The following NYAP2 variants were observed in gnomAD, a reference collection of about 807,000 sequenced individuals.
NYAP2 encodes neuronal tyrosine-phosphorylated phosphoinositide-3-kinase adapter 2.
Under a neutral mutation model 50.4 loss-of-function variants are expected in NYAP2, and 23 were observed. That is an observed-to-expected ratio of 0.46 (90% CI 0.33 to 0.65). NYAP2 has a LOEUF of 0.65. NYAP2 is among the 30% of genes least tolerant of loss of function. The pLI, the probability that NYAP2 is intolerant of heterozygous loss-of-function variation, is 0.02. For missense variants in NYAP2, 885 were observed against 861.0 expected, an observed-to-expected ratio of 1.03 and a Z score of -0.35; for synonymous variants, 394 against 365.2, an observed-to-expected ratio of 1.08 and a Z score of -0.90.
At chr2:225,601,220 A>G (rs997405089) in intron 5 of NYAP2, among the ~76,000 whole-genome samples, 1 of 151,346 alleles carries the variant, frequency 6.6e-6, no homozygotes, top group African/African-American at 2.4e-5. Flanking sequence ...TCCTGGGTTC[A>G]AGTGATTATC....
intron 5 of NYAP2, among the ~76,000 whole-genome samples, chr2:225,591,005 C>T (rs1692492336): frequency 6.6e-6 from 1 of 152,192 alleles, no homozygotes; most frequent in Non-Finnish European, 1.5e-5. Flanking sequence ...GCTGGTGCTG[C>T]TGGTCCAGAA....
At chr2:225,510,993 C>T (rs1052997095) in intron 3 of NYAP2, among the ~76,000 whole-genome samples, 1 of 152,132 alleles carries the variant, frequency 6.6e-6, no homozygotes, top group East Asian at 1.9e-4. Context: ...TGCCCATGTG[C>T]ATTAACACAT....
At chr2:225,657,102 CTTTTTTT>C (rs375126014), downstream of NYAP2, among the ~76,000 whole-genome samples, 29 of 101,080 alleles carry the variant, frequency 2.9e-4, no homozygotes, top group African/African-American at 4.8e-4. Context: ...AATCTAATTC[CTTTTTTT>C]TTTTTTTTTT....
intron 4 of NYAP2, among the ~76,000 whole-genome samples, chr2:225,553,026 T>G (rs1157816114): frequency 6.6e-6 from 1 of 152,204 alleles, no homozygotes; most frequent in East Asian, 1.9e-4. Context: ...GCTATGGTAC[T>G]TTGTTATAGC....
At chr2:225,701,569 A>C in the NYAP2 span, 1 of 151,832 alleles carries the variant, frequency 6.6e-6, no homozygotes, top group East Asian at 1.9e-4. Context: ...CCTCTGAGGT[A>C]TAAGAGTAGT....
At chr2:225,471,221 A>G (rs1315328205) in intron 3 of NYAP2, among the ~76,000 whole-genome samples, 1 of 152,216 alleles carries the variant, frequency 6.6e-6, no homozygotes, top group Admixed American at 6.5e-5. Context: ...GCAACTGTCA[A>G]TTTAAAATCC....
chr2:225,552,101 C>A (rs1691688441), intron 4 of NYAP2, among the ~76,000 whole-genome samples: 1 of 152,202 alleles, frequency 6.6e-6, no homozygotes, highest in Admixed American at 6.5e-5. Context: ...GTGCGAGCCA[C>A]TGCACCTGGC....
At chr2:225,516,701 T>C (rs565988657) in intron 4 of NYAP2, among the ~76,000 whole-genome samples, 1 of 152,334 alleles carries the variant, frequency 6.6e-6, no homozygotes, top group South Asian at 2.1e-4. Context: ...TGTATATATA[T>C]GTGTACTCAG....
chr2:225,550,933 T>G (rs1444671239), intron 4 of NYAP2, among the ~76,000 whole-genome samples: 2 of 152,184 alleles, frequency 1.3e-5, no homozygotes, highest in Non-Finnish European at 2.9e-5. Context: ...GTTTCCTGTG[T>G]GCAATGGAGA....
chr2:225,625,795 G>A (rs71429168), intron 5 of NYAP2, among the ~76,000 whole-genome samples: 2,223 of 152,202 alleles, frequency 0.015, 24 homozygotes, highest in Non-Finnish European at 0.021. Context: ...CTTCTGGAAG[G>A]ATTTTATTCA....
intron 3 of NYAP2, among the ~76,000 whole-genome samples, chr2:225,471,925 A>G (rs1690017366): frequency 6.6e-6 from 1 of 152,176 alleles, no homozygotes; most frequent in South Asian, 2.1e-4. Context: ...TTTAACATAC[A>G]GAATTTAACC....
chr2:225,655,594 A>G (rs933841634), downstream of NYAP2, among the ~76,000 whole-genome samples: 11 of 152,202 alleles, frequency 7.2e-5, no homozygotes, highest in Non-Finnish European at 1.5e-4. Context: ...AGAGATGTGA[A>G]TGCTCTTAGA....
At chr2:225,602,963 T>C (rs1410390485) in intron 5 of NYAP2, among the ~76,000 whole-genome samples, 1 of 152,124 alleles carries the variant, frequency 6.6e-6, no homozygotes, top group Non-Finnish European at 1.5e-5. Flanking sequence ...AATTTTAGAA[T>C]GGATGTTTTT....
the NYAP2 span, chr2:225,701,928 G>T: frequency 6.6e-6 from 1 of 151,688 alleles, no homozygotes; most frequent in African/African-American, 2.4e-5. Flanking sequence ...CAAATCTAGT[G>T]ACTACGTCAA....
intron 6 of NYAP2, among the ~76,000 whole-genome samples, chr2:225,647,474 G>C (rs368814664): frequency 1.3e-5 from 2 of 152,236 alleles, no homozygotes; most frequent in African/African-American, 4.8e-5. Context: ...CAAAATCAAG[G>C]GAGAATTTTC....
At chr2:225,479,418 AT>A (rs1690169457) in intron 3 of NYAP2, among the ~76,000 whole-genome samples, 1 of 152,208 alleles carries the variant, frequency 6.6e-6, no homozygotes, top group African/African-American at 2.4e-5. Context: ...CAGCAAGAAT[AT>A]TTAATGAAAA....
At chr2:225,530,507 T>A (rs1301350821) in intron 4 of NYAP2, among the ~76,000 whole-genome samples, 1 of 152,216 alleles carries the variant, frequency 6.6e-6, no homozygotes, top group Admixed American at 6.5e-5. Flanking sequence ...AATCCCATGC[T>A]CCTTGGCTTT....
intron 3 of NYAP2, among the ~76,000 whole-genome samples, chr2:225,430,740 C>CAAAGAAA (rs1191290046): frequency 2.6e-5 from 4 of 151,682 alleles, no homozygotes; most frequent in African/African-American, 9.7e-5. Flanking sequence ...AAACCAAAAA[C>CAAAGAAA]AAAGAAAAAT....
intron 5 of NYAP2, among the ~76,000 whole-genome samples, chr2:225,610,617 A>G (rs1692865277): frequency 6.6e-6 from 1 of 152,192 alleles, no homozygotes; most frequent in African/African-American, 2.4e-5. Flanking sequence ...ATTTTCTCCC[A>G]AAACTATGGG....
Sources: gnomAD v4.1 joint callset for allele counts (sites outside exome capture counted in the v4.1 genomes callset) on GRCh38, gnomAD v4.1.1 for gene constraint, MANE v1.5 for transcripts, NCBI Gene and HGNC (gene_info 2026-07-23, HGNC 2026-07-21) for gene names.